ZCCHC7: variants seen among roughly 807,000 people sequenced by gnomAD.
The protein encoded by ZCCHC7 is zinc finger CCHC domain-containing protein 7.
Under a neutral mutation model 52.0 loss-of-function variants are expected in ZCCHC7, and 35 were observed. The observed-to-expected ratio is 0.67, with a 90% CI of 0.51 to 0.89. ZCCHC7 has a LOEUF of 0.89. Ranked by LOEUF, ZCCHC7 falls within the 40% of genes least tolerant of loss-of-function variation. ZCCHC7 has a pLI of 0.00. For missense variants in ZCCHC7, 574 were observed against 649.1 expected (o/e 0.88, Z 1.26); for synonymous variants, 217 against 221.5 (o/e 0.98, Z 0.18).
At position 37,204,717 on chromosome 9, in the gene ZCCHC7, G is replaced by T. The variant is rs1823814141; in HGVS notation, c.610+77775G>T. Reference sequence around the variant, plus strand: ...CTGTTTTGGTTACTGTAGCCTTGTAGTATAGTTTGAAGTTAGGTAGCATGA... The same window carrying T: ...CTGTTTTGGTTACTGTAGCCTTGTATTATAGTTTGAAGTTAGGTAGCATGA... On this transcript the variant is annotated intron_variant, in intron 2 of 8. Coordinates refer to ENST00000336755, the MANE Select transcript of ZCCHC7 (RefSeq NM_032226.3). 2.0e-5 allele frequency among the ~76,000 whole-genome samples: 3 copies of T among 151,478 alleles called. No homozygotes were observed. The South Asian group carries it at 6.3e-4, about 32-fold the overall frequency.
intron 2 of ZCCHC7, among the ~76,000 whole-genome samples, chr9:37,151,821 T>G (rs1436458039): frequency 6.6e-6 from 1 of 152,052 alleles, no homozygotes; most frequent in South Asian, 2.1e-4. Context: ...AAAAAAAATC[T>G]TTTTTCTTCG....
intron 2 of ZCCHC7, among the ~76,000 whole-genome samples, chr9:37,193,922 T>C (rs182609764): frequency 1.5e-4 from 23 of 152,324 alleles, no homozygotes; most frequent in African/African-American, 4.8e-4. Context: ...TGTAACCTGA[T>C]ATCCTCATCT....
At chr9:37,297,209 C>G (rs1393971892) in intron 2 of ZCCHC7, among the ~76,000 whole-genome samples, 4 of 152,096 alleles carry the variant, frequency 2.6e-5, no homozygotes, top group Non-Finnish European at 5.9e-5. Flanking sequence ...AATTAGCCTT[C>G]TATTGTTAAA....
intron 2 of ZCCHC7, among the ~76,000 whole-genome samples, chr9:37,177,101 G>A (rs952435273): frequency 9.2e-5 from 14 of 152,156 alleles, no homozygotes; most frequent in Non-Finnish European, 1.5e-5. Context: ...CAGCACTTTG[G>A]GAGGCCAGGG....
intron 2 of ZCCHC7, among the ~76,000 whole-genome samples, chr9:37,213,263 T>C (rs997595100): frequency 1.3e-5 from 2 of 152,200 alleles, no homozygotes; most frequent in Non-Finnish European, 2.9e-5. Context: ...ATGTAATTAC[T>C]GCTCAACCTG....
chr9:37,304,171 A>ATT lies in ZCCHC7; in HGVS notation c.655-9_655-8dup, dbSNP rs11422051. ...AGTGAAACAATTTTTTTAATTCTTG[A>ATT]TTTTTTTTTCCCTTAGGCCCAGATA... On this transcript the variant is annotated splice_polypyrimidine_tract_variant and intron_variant, in intron 3 of 8. Transcript: ENST00000336755. 2.8e-4 allele frequency: 425 copies of ATT among 1,532,476 alleles called. No homozygotes were observed. Among genetic ancestry groups the ATT allele is most frequent in the South Asian group, 7.6e-4 (62 of 81,178 alleles). The allele number at this position is 1,532,476 out of a possible 1,614,324, so 94.9% of individuals were successfully genotyped here.
At chr9:37,244,115 C>T (rs970283228) in intron 2 of ZCCHC7, among the ~76,000 whole-genome samples, 4 of 151,656 alleles carry the variant, frequency 2.6e-5, no homozygotes, top group South Asian at 2.1e-4. Context: ...CTGCCCAGCT[C>T]GACTTACAAA....
At chr9:37,260,904 A>T (rs1442943622) in intron 2 of ZCCHC7, among the ~76,000 whole-genome samples, 6 of 152,144 alleles carry the variant, frequency 3.9e-5, no homozygotes. Context: ...ACTCTTGTTG[A>T]TTTAGTTTGC....
At chr9:37,137,337 A>T (rs1843039315) in intron 2 of ZCCHC7, among the ~76,000 whole-genome samples, 1 of 152,226 alleles carries the variant, frequency 6.6e-6, no homozygotes, top group South Asian at 2.1e-4. Context: ...TTGAGTTTCG[A>T]AAAATGGGTA....
At chr9:37,140,569 C>T (rs1482069450) in intron 2 of ZCCHC7, among the ~76,000 whole-genome samples, 1 of 151,840 alleles carries the variant, frequency 6.6e-6, no homozygotes, top group Non-Finnish European at 1.5e-5. Flanking sequence ...TATTTGTGTT[C>T]TTGATGCCAT....
intron 2 of ZCCHC7, among the ~76,000 whole-genome samples, chr9:37,204,748 C>T (rs1823815877): frequency 6.6e-6 from 1 of 152,144 alleles, no homozygotes; most frequent in African/African-American, 2.4e-5. Flanking sequence ...CATGATGCCT[C>T]CAGCTTTGTT....
At chr9:37,167,564 A>G (rs781505187) in intron 2 of ZCCHC7, among the ~76,000 whole-genome samples, 4 of 152,190 alleles carry the variant, frequency 2.6e-5, no homozygotes, top group Non-Finnish European at 4.4e-5. Context: ...ACAATGAGTC[A>G]TACTTTCCTG....
chr9:37,342,216 A>G (rs1820686380), intron 6 of ZCCHC7, among the ~76,000 whole-genome samples: 1 of 152,176 alleles, frequency 6.6e-6, no homozygotes, highest in Non-Finnish European at 1.5e-5. Context: ...TGGGCTGGGT[A>G]TGAGGTATAA....
At chr9:37,303,655 C>G (rs1276517958) in intron 3 of ZCCHC7, among the ~76,000 whole-genome samples, 1 of 56,752 alleles carries the variant, frequency 1.8e-5, no homozygotes, top group Non-Finnish European at 3.0e-5. Context: ...TTTTCTACCT[C>G]TTTTTTTTTT....
intron 2 of ZCCHC7, among the ~76,000 whole-genome samples, chr9:37,209,116 C>T (rs1462967683): frequency 1.3e-5 from 2 of 152,092 alleles, no homozygotes; most frequent in Non-Finnish European, 2.9e-5. Flanking sequence ...CCTCAGCTCA[C>T]TGCAAGCTCC....
At chr9:37,248,087 T>C (rs1826158997) in intron 2 of ZCCHC7, among the ~76,000 whole-genome samples, 4 of 152,166 alleles carry the variant, frequency 2.6e-5, no homozygotes, top group Non-Finnish European at 2.9e-5. Context: ...GGTATGAATG[T>C]GTTAAAAATT....
intron 2 of ZCCHC7, among the ~76,000 whole-genome samples, chr9:37,271,215 A>T (rs1827395106): frequency 6.6e-6 from 1 of 152,246 alleles, no homozygotes; most frequent in African/African-American, 2.4e-5. Flanking sequence ...TCTACATATA[A>T]TCAGGCTTCT....
At chr9:37,322,414 G>A (rs1400795685) in intron 5 of ZCCHC7, 1 of 152,076 alleles carries the variant, frequency 6.6e-6, no homozygotes, top group Admixed American at 6.6e-5. Flanking sequence ...GGAAGCTGGG[G>A]CCATTAAACA....
chr9:37,272,823 A>G (rs1827491712), intron 2 of ZCCHC7, among the ~76,000 whole-genome samples: 1 of 152,198 alleles, frequency 6.6e-6, no homozygotes. Flanking sequence ...GGTTTCCTTT[A>G]TACTGATATG....
Sources: allele counts gnomAD v4.1 joint callset (sites outside exome capture counted in the v4.1 genomes callset), GRCh38; gene constraint gnomAD v4.1.1; transcripts MANE v1.5; gene names NCBI Gene and HGNC (gene_info 2026-07-23, HGNC 2026-07-21).